The following SCN8A variants were observed in gnomAD, a reference collection of about 807,000 sequenced individuals.
SCN8A encodes the protein sodium channel protein type 8 subunit alpha.
A neutral mutation model predicts 184.1 loss-of-function variants in SCN8A; 30 were observed. That is an observed-to-expected ratio of 0.16 (90% CI 0.12 to 0.22). The LOEUF (loss-of-function observed/expected upper bound fraction) is 0.22, where lower values mean the gene tolerates loss of function less well. Ranked by LOEUF, SCN8A falls within the 10% of genes least tolerant of loss-of-function variation. SCN8A has a pLI of 1.00. For synonymous variants in SCN8A, 852 were observed against 907.0 expected, an observed-to-expected ratio of 0.94 and a Z score of 1.09; for missense variants, 1,057 against 2,498.9, an observed-to-expected ratio of 0.42 and a Z score of 12.30.
At chr12:51,656,894 T>A (rs980006900) in intron 1 of SCN8A, among the ~76,000 whole-genome samples, 4 of 152,126 alleles carry the variant, frequency 2.6e-5, no homozygotes, top group Admixed American at 2.6e-4. Flanking sequence ...AACCTTCTTA[T>A]ATTGCTGTTG....
chr12:51,768,710 T>C (rs1473137809), intron 16 of SCN8A, among the ~76,000 whole-genome samples, 155 bp from the exon 17 acceptor site: 1 of 152,212 alleles, frequency 6.6e-6, no homozygotes, highest in Non-Finnish European at 1.5e-5. Context: ...TCCCACCTGG[T>C]AACATGAGCA....
chr12:51,703,184 G>A (rs1303558967), intron 9 of SCN8A, among the ~76,000 whole-genome samples: 2 of 151,996 alleles, frequency 1.3e-5, no homozygotes, highest in Non-Finnish European at 1.5e-5. Context: ...ACTTCCTATT[G>A]TTCATCCTCT....
chr12:51,738,408 G>A lies in SCN8A; in HGVS notation c.1999-7495G>A, dbSNP rs191367238. On this transcript the variant is annotated intron_variant, in intron 12 of 26. Coordinates refer to ENST00000627620, the MANE Select transcript of SCN8A (RefSeq NM_001330260.2). ...CAACTCCAACTATGTTCAGTTGAGC[G>A]GATTGAATTGGCCACGTGGACAGCC... Among the ~76,000 whole-genome samples the A allele has an allele frequency of 4.2e-3, 639 of 152,270 alleles. 2 individuals are homozygous for A. The highest frequency in any genetic ancestry group is 8.1e-3 in the South Asian group (39 of 4,814).
intron 20 of SCN8A, chr12:51,780,362 C>T: frequency 2.9e-6 from 1 of 345,892 alleles, no homozygotes; most frequent in Non-Finnish European, 5.5e-6. Flanking sequence ...CCTTTTCCAA[C>T]TTGTGTGTAT....
chr12:51,806,194 T>TAAGG lies in SCN8A; in HGVS notation c.4796-87_4796-84dup, dbSNP rs1004217348. 5 of 1,271,190 alleles carry TAAGG rather than the reference T, an allele frequency of 3.9e-6. No individual in the cohort carries two copies. In the African/African-American group the frequency reaches 7.5e-5, roughly 19 times the overall value. The allele number at this position is 1,271,190 out of a possible 1,614,324, so 78.7% of individuals were successfully genotyped here. ...CTTATTCTGCAAAGCCCTTTGAACC[T>TAAGG]AAGGGTTCCACAATGCCAGGTAAAA... On this transcript the variant is annotated intron_variant, in intron 26 of 26. Coordinates refer to ENST00000627620, the MANE Select transcript of SCN8A (RefSeq NM_001330260.2). This position sits in a 1 kb window ranked among gnomAD's most constrained non-coding sequence, Gnocchi z 8.7.
chr12:51,626,342 G>A (rs1940077601), intron 1 of SCN8A, among the ~76,000 whole-genome samples: 1 of 152,152 alleles, frequency 6.6e-6, no homozygotes, highest in Non-Finnish European at 1.5e-5. Flanking sequence ...TTGGCCTTGT[G>A]ATCTATGGAT....
chr12:51,763,085 G>T (rs190342785), intron 15 of SCN8A, among the ~76,000 whole-genome samples: 11 of 152,236 alleles, frequency 7.2e-5, no homozygotes, highest in African/African-American at 2.6e-4. Context: ...ATTTCTCCTT[G>T]TTCAAAGATG....
intron 1 of SCN8A, among the ~76,000 whole-genome samples, chr12:51,598,843 A>G (rs889708719): frequency 6.6e-6 from 1 of 152,172 alleles, no homozygotes; most frequent in Non-Finnish European, 1.5e-5. Flanking sequence ...AAGACTTAAA[A>G]TAATTTGAGG....
chr12:51,716,767 A>G (rs1238068829), intron 11 of SCN8A, among the ~76,000 whole-genome samples: 1 of 152,172 alleles, frequency 6.6e-6, no homozygotes, highest in Admixed American at 6.5e-5. Context: ...GGCACCGGTT[A>G]TTAACACCTG....
At chr12:51,705,824 T>G (rs555194904) in intron 10 of SCN8A, among the ~76,000 whole-genome samples, 18 of 152,316 alleles carry the variant, frequency 1.2e-4, no homozygotes, top group African/African-American at 4.3e-4. Flanking sequence ...TTTGTTCATA[T>G]CATCTTTTGT....
At chr12:51,614,355 T>G (rs1008373592) in intron 1 of SCN8A, among the ~76,000 whole-genome samples, 3 of 152,144 alleles carry the variant, frequency 2.0e-5, no homozygotes, top group Non-Finnish European at 4.4e-5. Flanking sequence ...CCTGGTAATT[T>G]TCCTTGCTTT....
chr12:51,793,942 C>T (rs1317958454), intron 25 of SCN8A, among the ~76,000 whole-genome samples: 1 of 151,982 alleles, frequency 6.6e-6, no homozygotes, highest in East Asian at 1.9e-4. Flanking sequence ...GCCAGGAGTT[C>T]GAGACCAGCC....
chr12:51,720,882 A>G (rs1056556534), intron 11 of SCN8A, among the ~76,000 whole-genome samples: 3 of 151,678 alleles, frequency 2.0e-5, no homozygotes, highest in Middle Eastern at 3.2e-3. Flanking sequence ...CCTGGCCAAC[A>G]TGGCGAAACC....
chr12:51,692,647 C>T (rs1473872333), intron 6 of SCN8A, among the ~76,000 whole-genome samples: 1 of 152,116 alleles, frequency 6.6e-6, no homozygotes, highest in Non-Finnish European at 1.5e-5. Flanking sequence ...AAATATTCTG[C>T]CTAAAAGTTT....
rs1938717343 is a variant in SCN8A, at chr12:51,806,907, G to A, written c.5421G>A (p.Lys1807=). The change falls in exon 27 of 27, where the codon AAG becomes AAA. Residue 1807 remains lysine (K), a synonymous_variant. Transcript: ENST00000627620. This position sits in a 1 kb window ranked among gnomAD's most constrained non-coding sequence, Gnocchi z 8.7. ...CCACCCAGTTCATTGAGTACTGTAA[G>A]CTGGCAGACTTTGCAGATGCCTTGG... ...PDATQFIEYC[K]LADFADALEH... 6.2e-7 allele frequency: 1 copy of A among 1,613,364 alleles called. No individual in the cohort carries two copies. Among genetic ancestry groups the A allele is most frequent in the Admixed American group, 1.7e-5 (1 of 60,022 alleles).
Position 51,662,900 on chromosome 12 carries a change from G to T in SCN8A, c.83G>T (p.Arg28Leu). The stretch of plus-strand genomic sequence containing the variant: ...GAGTCACTGGCAAACATTGAGAGGC[G>T]CATTGCTGAGAGCAAGCTCAAGAAA... ...TPESLANIER[R>L]IAESKLKKPP... Residue 28 changes from arginine to leucine, a missense_variant, in exon 2 of 27, where the codon CGC (arginine) becomes CTC (leucine). Coordinates refer to ENST00000627620, the MANE Select transcript of SCN8A (RefSeq NM_001330260.2). The T allele has an allele frequency of 6.2e-7, 1 of 1,613,994 alleles. No homozygotes were observed. The highest frequency in any genetic ancestry group is 8.5e-7 in the Non-Finnish European group (1 of 1,179,884).
chr12:51,613,647 C>CT (rs1939770706), intron 1 of SCN8A, among the ~76,000 whole-genome samples: 2 of 151,638 alleles, frequency 1.3e-5, no homozygotes, highest in Admixed American at 1.3e-4. Flanking sequence ...TTTACTCTTC[C>CT]TTTTCTGTTT....
At chr12:51,693,402 A>G (rs1255585865) in intron 6 of SCN8A, among the ~76,000 whole-genome samples, 1 of 152,242 alleles carries the variant, frequency 6.6e-6, no homozygotes, top group Non-Finnish European at 1.5e-5. Context: ...TTGTGATGTG[A>G]ATCAGGTCTC....
chr12:51,753,017 A>G (rs1051134812), intron 14 of SCN8A, among the ~76,000 whole-genome samples: 5 of 152,110 alleles, frequency 3.3e-5, no homozygotes, highest in Non-Finnish European at 7.4e-5. Context: ...ACCTATCCCC[A>G]CTAGAACTCC....
Sources: gnomAD v4.1 joint callset for allele counts (sites outside exome capture counted in the v4.1 genomes callset) on GRCh38, gnomAD v4.1.1 for gene constraint, Gnocchi (gnomAD v3.1) non-coding constraint, MANE v1.5 for transcripts, NCBI Gene and HGNC (gene_info 2026-07-23, HGNC 2026-07-21) for gene names.